The following CAMKMT variants were observed in gnomAD, a reference collection of about 807,000 sequenced individuals.
CAMKMT encodes the protein calmodulin-lysine N-methyltransferase.
CAMKMT carries 53 observed loss-of-function variants against 48.0 expected under a neutral mutation model. The ratio of observed to expected loss-of-function variants is 1.10; its 90% confidence interval spans 0.89 to 1.39. The LOEUF (loss-of-function observed/expected upper bound fraction) is 1.39, where lower values mean the gene tolerates loss of function less well. Ranked by LOEUF, CAMKMT falls within the 40% of genes most tolerant of loss-of-function variation. The pLI is 0.00. For synonymous variants in CAMKMT, 165 were observed against 152.3 expected (o/e 1.08, Z -0.61); for missense variants, 428 against 402.7 (o/e 1.06, Z -0.54).
intron 3 of CAMKMT, among the ~76,000 whole-genome samples, chr2:44,650,803 A>G (rs753611338): frequency 3.6e-4 from 55 of 152,198 alleles, no homozygotes; most frequent in Non-Finnish European, 7.8e-4. Flanking sequence ...AAGATTATAA[A>G]AGATTCATAA....
chr2:44,455,858 CA>C (rs1391019663), intron 3 of CAMKMT, among the ~76,000 whole-genome samples: 1 of 152,166 alleles, frequency 6.6e-6, no homozygotes, highest in East Asian at 1.9e-4. Context: ...TGCTGTGTGT[CA>C]AAAACGTTGG....
At chr2:44,682,816 C>G (rs1371657014) in intron 3 of CAMKMT, among the ~76,000 whole-genome samples, 1 of 152,140 alleles carries the variant, frequency 6.6e-6, no homozygotes, top group Non-Finnish European at 1.5e-5. Context: ...ACATGATTCT[C>G]CCTCCCTAGA....
intron 3 of CAMKMT, among the ~76,000 whole-genome samples, chr2:44,646,193 C>T (rs773683927): frequency 1.3e-5 from 2 of 152,138 alleles, no homozygotes; most frequent in African/African-American, 2.4e-5. Flanking sequence ...AAAAACAAAT[C>T]AAGGGGAAGC....
At chr2:44,443,866 G>C (rs1403109946) in intron 3 of CAMKMT, among the ~76,000 whole-genome samples, 1 of 152,202 alleles carries the variant, frequency 6.6e-6, no homozygotes, top group African/African-American at 2.4e-5. Flanking sequence ...TACTGAAGCT[G>C]CCTAGTGGGC....
At chr2:44,390,159 A>G in intron 2 of CAMKMT, 82 bp from the exon 3 acceptor site, 1 of 970,208 alleles carries the variant, frequency 1.0e-6, no homozygotes, top group South Asian at 1.4e-5. Context: ...ACCATAATAT[A>G]CAGTCTCAGT....
At chr2:44,689,142 G>A (rs1023682604) in intron 3 of CAMKMT, among the ~76,000 whole-genome samples, 6 of 152,024 alleles carry the variant, frequency 3.9e-5, no homozygotes, top group African/African-American at 1.5e-4. Flanking sequence ...GTCTGTGTTC[G>A]GGATGTGGCT....
chr2:44,444,636 A>G (rs1666871454), intron 3 of CAMKMT, among the ~76,000 whole-genome samples: 1 of 152,220 alleles, frequency 6.6e-6, no homozygotes, highest in Non-Finnish European at 1.5e-5. Flanking sequence ...AGTTATACAC[A>G]CATACATGTG....
Position 44,723,637 on chromosome 2 carries a change from TAAATAAATAAA to T in CAMKMT, c.623+8285_623+8295del, listed in dbSNP as rs1558819089. On this transcript the variant is annotated intron_variant, in intron 7 of 10. Transcript: ENST00000378494. Reference sequence around the variant, plus strand: ...ATAAATAAATAAATAAATAAATAAATAAATAAATAAATAAATAAAATAATAAAGTTGTTCAG... The same window carrying T: ...ATAAATAAATAAATAAATAAATAAATTAAATAAAATAATAAAGTTGTTCAG... 738 of 150,014 alleles carry T rather than the reference TAAATAAATAAA, an allele frequency of 4.9e-3. 7 individuals are homozygous for T. Among genetic ancestry groups the T allele is most frequent in the African/African-American group, 0.017 (703 of 40,958 alleles). 9.3% of individuals were successfully genotyped at this position (150,014 alleles called of 1,614,324 possible). A position where few individuals can be genotyped will look rare whatever the true frequency, so the allele number is the denominator to read the frequency against.
intron 3 of CAMKMT, among the ~76,000 whole-genome samples, chr2:44,567,719 T>C (rs1161555470): frequency 2.0e-5 from 3 of 152,220 alleles, no homozygotes; most frequent in Admixed American, 6.5e-5. Context: ...TCTGCAGTTA[T>C]GTCTTGTCCT....
At chr2:44,740,124 ATTTTTTTT>A (rs753300790) in intron 7 of CAMKMT, among the ~76,000 whole-genome samples, 2 of 120,196 alleles carry the variant, frequency 1.7e-5, no homozygotes, top group South Asian at 2.8e-4. Context: ...TGATTGCTGC[ATTTTTTTT>A]TTTTTTTTTT....
At chr2:44,749,238 A>C (rs549958956) in intron 8 of CAMKMT, among the ~76,000 whole-genome samples, 19 of 152,194 alleles carry the variant, frequency 1.2e-4, no homozygotes, top group Non-Finnish European at 2.4e-4. Context: ...ACTTCTTATA[A>C]GCTGCTCTCC....
At chr2:44,655,526 T>C (rs1674330157) in intron 3 of CAMKMT, among the ~76,000 whole-genome samples, 1 of 152,202 alleles carries the variant, frequency 6.6e-6, no homozygotes, top group Admixed American at 6.5e-5. Context: ...GTGTTGTCTT[T>C]TTAATTAAGT....
Position 44,362,113 on chromosome 2 carries a change from C to T in CAMKMT, c.106C>T (p.Leu36=). The T allele has an allele frequency of 6.8e-7, 1 of 1,471,694 alleles. No individual in the cohort carries two copies. The highest frequency in any genetic ancestry group is 8.9e-7 in the Non-Finnish European group (1 of 1,122,758). 91.2% of individuals were successfully genotyped at this position (1,471,694 alleles called of 1,614,324 possible). A position where few individuals can be genotyped will look rare whatever the true frequency, so the allele number is the denominator to read the frequency against. ...TCGGGGGCCCGTAGTCTCGGCGCCC[C>T]TGGGAGCCGCCCGGTGGAAGCTCCT... ...TTRGPVVSAP[L]GAARWKLLRQ... The change falls in exon 1 of 11, where the codon CTG becomes TTG. Residue 36 remains leucine, a synonymous_variant. Coordinates refer to ENST00000378494, the MANE Select transcript of CAMKMT (RefSeq NM_024766.5).
At chr2:44,486,369 G>A (rs772820307) in intron 3 of CAMKMT, among the ~76,000 whole-genome samples, 3 of 152,186 alleles carry the variant, frequency 2.0e-5, no homozygotes, top group Non-Finnish European at 4.4e-5. Flanking sequence ...AAAAAAGAGA[G>A]GTAACAGAAG....
chr2:44,622,742 A>G (rs531182312), intron 3 of CAMKMT, among the ~76,000 whole-genome samples: 1 of 152,198 alleles, frequency 6.6e-6, no homozygotes, highest in African/African-American at 2.4e-5. Context: ...TCCACTGTTG[A>G]TGGGCTGGTT....
intron 3 of CAMKMT, among the ~76,000 whole-genome samples, chr2:44,504,979 G>A (rs1405372672): frequency 1.3e-5 from 2 of 152,128 alleles, no homozygotes; most frequent in African/African-American, 4.8e-5. Context: ...GGGAGCCAGT[G>A]TGCACAGAGG....
intron 1 of CAMKMT, among the ~76,000 whole-genome samples, chr2:44,370,452 G>A (rs1386369719): frequency 5.9e-5 from 9 of 152,062 alleles, no homozygotes; most frequent in Admixed American, 5.9e-4. Flanking sequence ...TTTAAAGTTA[G>A]TTTTCATAAA....
rs143368355 is a variant in CAMKMT at position 44,678,880 on chromosome 2, A to G, written c.377-25403A>G. Among the ~76,000 whole-genome samples the G allele has an allele frequency of 5.4e-3, 820 of 152,206 alleles. 2 individuals carry two copies. Among genetic ancestry groups the G allele is most frequent in the Middle Eastern group, 0.014 (4 of 294 alleles). On this transcript the variant is annotated intron_variant, in intron 3 of 10. Coordinates refer to ENST00000378494, the MANE Select transcript of CAMKMT (RefSeq NM_024766.5). ...CTCTGCTACTCACTTTTCTTTATTCATAATTATCTATCTTGGCCCAAATCC... is the reference window on the plus strand; with the variant it reads ...CTCTGCTACTCACTTTTCTTTATTCGTAATTATCTATCTTGGCCCAAATCC...
At chr2:44,715,581 A>G (rs184394734) in intron 7 of CAMKMT, among the ~76,000 whole-genome samples, 141 of 152,322 alleles carry the variant, frequency 9.3e-4, no homozygotes, top group African/African-American at 2.6e-3. Flanking sequence ...CAAGATAAGT[A>G]TATTAAACAC....
Sources: allele counts gnomAD v4.1 joint callset (sites outside exome capture counted in the v4.1 genomes callset), GRCh38; gene constraint gnomAD v4.1.1; transcripts MANE v1.5; gene names NCBI Gene and HGNC (gene_info 2026-07-23, HGNC 2026-07-21).